Variants in FBXL20 observed in about 807,000 individuals in gnomAD.
The protein encoded by FBXL20 is F-box and leucine rich repeat protein 20, also known as F-box/LRR-repeat protein 20.
A neutral mutation model predicts 64.0 loss-of-function variants in FBXL20; 11 were observed. The observed-to-expected ratio is 0.17, with a 90% CI of 0.11 to 0.28. The LOEUF (loss-of-function observed/expected upper bound fraction) is 0.28, where lower values mean the gene tolerates loss of function less well. Among genes scored for constraint, FBXL20 ranks in the 10% least tolerant of loss-of-function variants. The probability of loss-of-function intolerance (pLI) is 1.00; values close to 1 mark genes in which losing one functional copy is unlikely to be tolerated. For missense variants in FBXL20, 303 were observed against 526.2 expected (o/e 0.58, Z 4.15); for synonymous variants, 184 against 189.0 (o/e 0.97, Z 0.22).
chr17:39,362,285 T>G (rs1472539444), intron 1 of FBXL20, among the ~76,000 whole-genome samples: 3 of 150,312 alleles, frequency 2.0e-5, no homozygotes, highest in Non-Finnish European at 4.4e-5. Flanking sequence ...AGAGCGAGAC[T>G]CCGTCTCAAA....
intron 2 of FBXL20, among the ~76,000 whole-genome samples, chr17:39,332,779 G>C (rs530276341): frequency 3.6e-4 from 54 of 152,030 alleles, no homozygotes; most frequent in African/African-American, 1.2e-3. Flanking sequence ...CTGACCTCAT[G>C]ATCTGCCCAC....
At chr17:39,363,753 A>G (rs570259211) in intron 1 of FBXL20, among the ~76,000 whole-genome samples, 69 of 141,018 alleles carry the variant, frequency 4.9e-4, no homozygotes, top group African/African-American at 1.8e-3. Context: ...GAAGGCTGCA[A>G]TGAGCTGTGA....
At chr17:39,265,259 G>C in intron 13 of FBXL20, 138 bp downstream of exon 13, 1 of 619,006 alleles carries the variant, frequency 1.6e-6, no homozygotes, top group Non-Finnish European at 2.8e-6. Context: ...TACTCCTTTG[G>C]TTCTCAGTAA....
At chr17:39,332,815 C>A (rs2047475042) in intron 2 of FBXL20, among the ~76,000 whole-genome samples, 1 of 151,874 alleles carries the variant, frequency 6.6e-6, no homozygotes, top group Non-Finnish European at 1.5e-5. Flanking sequence ...TGGTGGGATT[C>A]CAGGCATGAG....
At chr17:39,392,673 G>A (rs962504049) in intron 1 of FBXL20, among the ~76,000 whole-genome samples, 1 of 152,042 alleles carries the variant, frequency 6.6e-6, no homozygotes, top group African/African-American at 2.4e-5. Context: ...CAAACATGAA[G>A]TGCCCAGAAT....
Position 39,285,499 on chromosome 17 carries a change from T to C in FBXL20, c.473A>G (p.Asn158Ser), listed in dbSNP as rs1305625105. The C allele has an allele frequency of 2.5e-6, 4 of 1,602,476 alleles. No homozygotes were observed. The highest frequency in any genetic ancestry group is 2.6e-6 in the Non-Finnish European group (3 of 1,174,282). Residue 158 changes from asparagine to serine, a missense_variant, in exon 7 of 15, where the codon AAC becomes AGC. Asn to Ser is a conservative substitution (Grantham distance 46). Coordinates refer to ENST00000264658, the MANE Select transcript of FBXL20 (RefSeq NM_032875.3). ...LDLASCTSIT[N>S]MSLKALSEGC... ...TTACCTCAGAGCTTTTAGAGACATG[T>C]TTGTTATTGATGTACAGGAAGCCAA... is the stretch of plus-strand genomic sequence containing the variant.
intron 14 of FBXL20, 57 bp from the exon 15 acceptor site, chr17:39,261,624 T>C (rs2046746194): frequency 4.5e-6 from 6 of 1,347,154 alleles, no homozygotes; most frequent in Non-Finnish European, 6.3e-6. Context: ...GAAAGAGCAA[T>C]GTTGGTTCTT....
At chr17:39,270,562 T>C (rs140144930) in intron 11 of FBXL20, among the ~76,000 whole-genome samples, 1 of 151,810 alleles carries the variant, frequency 6.6e-6, no homozygotes, top group Non-Finnish European at 1.5e-5. Context: ...TTAAAAAAAA[T>C]TGTTTAAAAA....
chr17:39,386,341 G>A (rs1201916346), intron 1 of FBXL20, among the ~76,000 whole-genome samples: 1 of 151,106 alleles, frequency 6.6e-6, no homozygotes, highest in Non-Finnish European at 1.5e-5. Flanking sequence ...AAATTAATCA[G>A]TCTAGGGACG....
chr17:39,299,802 C>A lies in FBXL20; in HGVS notation c.235-718G>T, dbSNP rs182685286. On this transcript the variant is annotated intron_variant, in intron 4 of 14. Coordinates refer to ENST00000264658, the MANE Select transcript of FBXL20 (RefSeq NM_032875.3). ...TGTCTCAAAACAACAACAACAACAACAAAAACAAAAGCTGGCCAGGTGCAG... is the reference window on the plus strand; with the variant it reads ...TGTCTCAAAACAACAACAACAACAAAAAAAACAAAAGCTGGCCAGGTGCAG... Among the ~76,000 whole-genome samples the A allele has an allele frequency of 6.2e-5, 9 of 146,052 alleles. No individual in the cohort carries two copies. In the South Asian group the frequency reaches 1.8e-3, roughly 28 times the overall value.
chr17:39,310,153 TAAAAAA>T (rs34838706), intron 2 of FBXL20, among the ~76,000 whole-genome samples: 1 of 134,714 alleles, frequency 7.4e-6, no homozygotes, highest in Non-Finnish European at 1.6e-5. Context: ...TCTACAAATT[TAAAAAA>T]AAAAAAAAAG....
chr17:39,308,429 T>C lies in FBXL20; in HGVS notation c.105-4790A>G, dbSNP rs1482746679. Among the ~76,000 whole-genome samples, 3 of 151,526 alleles carry C rather than the reference T, an allele frequency of 2.0e-5. No individual in the cohort carries two copies. The East Asian group carries it at 5.8e-4, about 29-fold the overall frequency. ...AGGATCACTTGAGCTCAGGAGTAAGTGGCTGTAGGGAACTGTGATCACCCC... is the reference window on the plus strand; with the variant it reads ...AGGATCACTTGAGCTCAGGAGTAAGCGGCTGTAGGGAACTGTGATCACCCC... On this transcript the variant is annotated intron_variant, in intron 2 of 14. Coordinates refer to ENST00000264658, the MANE Select transcript of FBXL20 (RefSeq NM_032875.3).
intron 4 of FBXL20, among the ~76,000 whole-genome samples, chr17:39,299,934 T>C (rs1482178602): frequency 6.6e-6 from 1 of 150,912 alleles, no homozygotes; most frequent in East Asian, 2.0e-4. Flanking sequence ...CAATCTCTAC[T>C]AAAAATACAA....
intron 2 of FBXL20, among the ~76,000 whole-genome samples, chr17:39,339,870 T>G (rs1040585968): frequency 6.6e-6 from 1 of 151,654 alleles, no homozygotes; most frequent in Non-Finnish European, 1.5e-5. Context: ...ATGGTCTTGA[T>G]CTCCTGACCT....
intron 1 of FBXL20, among the ~76,000 whole-genome samples, chr17:39,391,919 G>A (rs2048137358): frequency 6.6e-6 from 1 of 151,854 alleles, no homozygotes; most frequent in East Asian, 1.9e-4. Context: ...CAAGGTGGGT[G>A]GATCACAAGG....
In FBXL20 at chr17:39,332,650, G is replaced by A. The variant is rs187725779; in HGVS notation, c.104+10530C>T. Among the ~76,000 whole-genome samples the A allele has an allele frequency of 8.3e-4, 121 of 146,518 alleles. 1 individual carries two copies. The East Asian group carries it at 0.015, about 18-fold the overall frequency. ...TCCGCCTCCTGGGTTCACGCCATTCGCCTGCCTCAGCCTCCCAAGTAGCTG... is the reference window on the plus strand; with the variant it reads ...TCCGCCTCCTGGGTTCACGCCATTCACCTGCCTCAGCCTCCCAAGTAGCTG... On this transcript the variant is annotated intron_variant, in intron 2 of 14. Transcript: ENST00000264658.
chr17:39,340,222 G>A (rs574524514), intron 2 of FBXL20, among the ~76,000 whole-genome samples: 151 of 152,166 alleles, frequency 9.9e-4, no homozygotes, highest in Middle Eastern at 3.4e-3. Flanking sequence ...TCAGCCTCCC[G>A]AGTGGCTGGG....
chr17:39,364,386 G>C (rs1401108850), intron 1 of FBXL20, among the ~76,000 whole-genome samples: 2 of 152,308 alleles, frequency 1.3e-5, no homozygotes, highest in East Asian at 3.9e-4. Flanking sequence ...GCCAAGGAGA[G>C]TGGATTGCTT....
chr17:39,274,118 TC>T (rs2046870578), intron 10 of FBXL20, among the ~76,000 whole-genome samples: 2 of 152,174 alleles, frequency 1.3e-5, no homozygotes, highest in South Asian at 4.1e-4. Context: ...CAAGCGATCT[TC>T]TAGCCTCGGT....
Sources: gnomAD v4.1 joint callset for allele counts (sites outside exome capture counted in the v4.1 genomes callset) on GRCh38, gnomAD v4.1.1 for gene constraint, MANE v1.5 for transcripts, NCBI Gene and HGNC (gene_info 2026-07-23, HGNC 2026-07-21) for gene names.